Variants in ZBTB7C observed in about 807,000 individuals in gnomAD.
ZBTB7C encodes zinc finger and BTB domain-containing protein 7C.
In ZBTB7C, 8 loss-of-function variants were observed where a neutral mutation model predicts 25.7. The observed-to-expected ratio is 0.31, with a 90% CI of 0.18 to 0.56. The LOEUF (loss-of-function observed/expected upper bound fraction) is 0.56. Among genes scored for constraint, ZBTB7C ranks in the 20% least tolerant of loss-of-function variants. The pLI is 0.91. For missense variants in ZBTB7C, 824 were observed against 855.2 expected, an observed-to-expected ratio of 0.96 and a Z score of 0.46; for synonymous variants, 394 against 369.0, an observed-to-expected ratio of 1.07 and a Z score of -0.78.
intron 1 of ZBTB7C, among the ~76,000 whole-genome samples, chr18:48,345,294 C>A (rs2046702086): frequency 6.6e-6 from 1 of 152,160 alleles, no homozygotes; most frequent in South Asian, 2.1e-4. Flanking sequence ...AAATAGAAAG[C>A]AAAAATCAGA....
chr18:48,397,482 G>A (rs78955682), intron 1 of ZBTB7C, among the ~76,000 whole-genome samples: 7,962 of 152,180 alleles, frequency 0.052, 228 homozygotes, highest in Non-Finnish European at 0.069. Context: ...CCAGATAGCC[G>A]TATCACCTCA....
intron 3 of ZBTB7C, among the ~76,000 whole-genome samples, chr18:48,101,736 T>G (rs1006663897): frequency 1.3e-5 from 2 of 152,228 alleles, no homozygotes; most frequent in African/African-American, 4.8e-5. Context: ...TTGTAAGTGT[T>G]ACCAACCGGT....
At chr18:48,080,151 A>C (rs1300035032) in intron 3 of ZBTB7C, among the ~76,000 whole-genome samples, 1 of 152,226 alleles carries the variant, frequency 6.6e-6, no homozygotes, top group East Asian at 1.9e-4. Context: ...TCAGCCCTGC[A>C]TGGAGTACAA....
At chr18:48,125,056 C>T (rs984719002) in intron 3 of ZBTB7C, among the ~76,000 whole-genome samples, 2 of 152,214 alleles carry the variant, frequency 1.3e-5, no homozygotes, top group Non-Finnish European at 2.9e-5. Context: ...AGGTTTGCTG[C>T]ATGGGAGCTC....
At chr18:48,067,423 T>C (rs1027311819) in intron 3 of ZBTB7C, among the ~76,000 whole-genome samples, 4 of 152,176 alleles carry the variant, frequency 2.6e-5, no homozygotes, top group Admixed American at 1.3e-4. Flanking sequence ...GGTATCCACA[T>C]ACTGGGTCAA....
chr18:48,102,723 A>G (rs2038876362), intron 3 of ZBTB7C, among the ~76,000 whole-genome samples: 1 of 152,182 alleles, frequency 6.6e-6, no homozygotes, highest in African/African-American at 2.4e-5. Context: ...GTTGCCCTAA[A>G]TAGACAGAGG....
intron 3 of ZBTB7C, among the ~76,000 whole-genome samples, chr18:48,114,054 C>G (rs1428707914): frequency 6.6e-6 from 1 of 152,178 alleles, no homozygotes; most frequent in Non-Finnish European, 1.5e-5. Flanking sequence ...CTGCCCTCCA[C>G]CGTGGTCATC....
At chr18:48,059,329 G>A (rs1178977397) in intron 3 of ZBTB7C, among the ~76,000 whole-genome samples, 1 of 152,072 alleles carries the variant, frequency 6.6e-6, no homozygotes, top group African/African-American at 2.4e-5. Flanking sequence ...ACAGTGATTT[G>A]CCAGCTTCCT....
intron 3 of ZBTB7C, among the ~76,000 whole-genome samples, chr18:48,109,412 A>T (rs1184396032): frequency 6.6e-6 from 1 of 152,172 alleles, no homozygotes; most frequent in Admixed American, 6.5e-5. Context: ...AACTGGAAAG[A>T]TCTAGACGTC....
chr18:48,096,977 G>A (rs998667049), intron 3 of ZBTB7C, among the ~76,000 whole-genome samples: 3 of 152,166 alleles, frequency 2.0e-5, no homozygotes, highest in African/African-American at 7.2e-5. Flanking sequence ...TATTCCTATG[G>A]CCACTGCTAC....
chr18:48,400,618 T>G (rs895209355), intron 1 of ZBTB7C, among the ~76,000 whole-genome samples: 4 of 152,206 alleles, frequency 2.6e-5, no homozygotes, highest in African/African-American at 9.7e-5. Context: ...ACCTGTGTCC[T>G]GGGTTCACTG....
chr18:48,197,225 T>A (rs1365159157), intron 2 of ZBTB7C, among the ~76,000 whole-genome samples: 4 of 152,080 alleles, frequency 2.6e-5, no homozygotes, highest in African/African-American at 9.7e-5. Context: ...AGGGACCAGA[T>A]CAAACTGCTC....
intron 2 of ZBTB7C, among the ~76,000 whole-genome samples, chr18:48,236,388 T>C (rs1416643569): frequency 1.3e-5 from 2 of 152,218 alleles, no homozygotes; most frequent in Non-Finnish European, 2.9e-5. Flanking sequence ...CCATGAGAAG[T>C]GTTTGATAAG....
At chr18:48,180,282 A>T (rs1330829081) in intron 3 of ZBTB7C, 5 of 449,970 alleles carry the variant, frequency 1.1e-5, no homozygotes, top group South Asian at 6.3e-5. Flanking sequence ...ATTCAATATT[A>T]ATCTCCCTAG....
In ZBTB7C at chr18:48,084,929, T is replaced by G. The variant is rs867456078; in HGVS notation, c.-16-43806A>C. ...TGTCACTCCTACTGACCCCTGAAGC[T>G]TCCCCGCTGACTGATGCCCATCATT... On this transcript the variant is annotated intron_variant, in intron 3 of 4. Coordinates refer to ENST00000590800, the MANE Select transcript of ZBTB7C (RefSeq NM_001318841.2). Among the ~76,000 whole-genome samples the G allele has an allele frequency of 2.2e-4, 33 of 152,270 alleles. No homozygotes were observed. In the Middle Eastern group the frequency reaches 0.024, roughly 110 times the overall value.
intron 2 of ZBTB7C, among the ~76,000 whole-genome samples, chr18:48,267,849 C>T (rs1170284670): frequency 2.6e-5 from 4 of 152,316 alleles, no homozygotes; most frequent in East Asian, 1.9e-4. Flanking sequence ...ACCAAATCTA[C>T]GGGCACCTTG....
Position 48,137,160 on chromosome 18 carries a change from T to G in ZBTB7C, c.-17+48774A>C, listed in dbSNP as rs560244202. 1.6e-5 allele frequency: 16 copies of G among 985,430 alleles called. No individual in the cohort carries two copies. The South Asian group carries it at 6.1e-4, about 38-fold the overall frequency. The allele number at this position is 985,430 out of a possible 1,614,324, so 61.0% of individuals were successfully genotyped here. On this transcript the variant is annotated intron_variant, in intron 3 of 4. Coordinates refer to ENST00000590800, the MANE Select transcript of ZBTB7C (RefSeq NM_001318841.2). Reference sequence around the variant, plus strand: ...GATTCGTGCTGGGCGAGTTAAGCCATTCCAGGAGTGGTTTTGAGAGAGCAC... The same window carrying G: ...GATTCGTGCTGGGCGAGTTAAGCCAGTCCAGGAGTGGTTTTGAGAGAGCAC...
intron 3 of ZBTB7C, among the ~76,000 whole-genome samples, chr18:48,154,412 G>A (rs1209745575): frequency 6.6e-6 from 1 of 152,178 alleles, no homozygotes; most frequent in African/African-American, 2.4e-5. Flanking sequence ...CTGTAACCAG[G>A]GAGAGCAGGG....
chr18:48,034,785 T>C (rs1244030252), intron 4 of ZBTB7C, among the ~76,000 whole-genome samples: 1 of 152,122 alleles, frequency 6.6e-6, no homozygotes, highest in Non-Finnish European at 1.5e-5. Flanking sequence ...GCCAAGGACA[T>C]ATGCACCCAA....
Sources: gnomAD v4.1 joint callset for allele counts (sites outside exome capture counted in the v4.1 genomes callset) on GRCh38, gnomAD v4.1.1 for gene constraint, MANE v1.5 for transcripts, NCBI Gene and HGNC (gene_info 2026-07-23, HGNC 2026-07-21) for gene names.